Variants in NKAIN3 observed in about 807,000 individuals in gnomAD.
NKAIN3 encodes the protein sodium/potassium-transporting ATPase subunit beta-1-interacting protein 3.
A neutral mutation model predicts 30.2 loss-of-function variants in NKAIN3; 25 were observed. The observed-to-expected ratio is 0.83, with a 90% confidence interval of 0.60 to 1.16. The LOEUF (loss-of-function observed/expected upper bound fraction) is 1.16, where lower values mean the gene tolerates loss of function less well. Ranked by LOEUF, NKAIN3 falls within the 50% of genes most tolerant of loss-of-function variation. The pLI is 0.00. For synonymous variants in NKAIN3, 91 were observed against 89.6 expected, an observed-to-expected ratio of 1.02 and a Z score of -0.09; for missense variants, 225 against 254.1, an observed-to-expected ratio of 0.89 and a Z score of 0.78.
intron 4 of NKAIN3, among the ~76,000 whole-genome samples, chr8:62,765,315 G>T (rs2130625238): frequency 6.7e-6 from 1 of 148,946 alleles, no homozygotes; most frequent in African/African-American, 2.4e-5. Context: ...GGTACTGGAT[G>T]AAAAACAAAT....
chr8:62,396,620 G>A (rs1817775185), intron 1 of NKAIN3, among the ~76,000 whole-genome samples: 1 of 152,076 alleles, frequency 6.6e-6, no homozygotes, highest in South Asian at 2.1e-4. Context: ...AATTTGATGT[G>A]TGTGTTAACT....
At chr8:62,360,106 C>T (rs1816503924) in intron 1 of NKAIN3, among the ~76,000 whole-genome samples, 1 of 152,160 alleles carries the variant, frequency 6.6e-6, no homozygotes, top group African/African-American at 2.4e-5. Context: ...CCCATGCAGC[C>T]ACCCAAAGGG....
At chr8:62,998,060 G>A (rs1277749493) in intron 5 of NKAIN3, among the ~76,000 whole-genome samples, 1 of 151,960 alleles carries the variant, frequency 6.6e-6, no homozygotes, top group African/African-American at 2.4e-5. Flanking sequence ...TCATGTTTAG[G>A]GCCATTCACA....
At chr8:62,339,765 G>C (rs1023289585) in intron 1 of NKAIN3, among the ~76,000 whole-genome samples, 1 of 151,922 alleles carries the variant, frequency 6.6e-6, no homozygotes, top group Non-Finnish European at 1.5e-5. Context: ...TGTACCCCAA[G>C]TTAAAAAGTA....
chr8:62,497,032 G>A (rs1026833222), intron 1 of NKAIN3, among the ~76,000 whole-genome samples: 1 of 151,976 alleles, frequency 6.6e-6, no homozygotes, highest in Non-Finnish European at 1.5e-5. Flanking sequence ...AGGCACTGAA[G>A]TTCAAGTTCT....
intron 4 of NKAIN3, among the ~76,000 whole-genome samples, chr8:62,787,497 C>T (rs1376385139): frequency 6.6e-6 from 1 of 152,038 alleles, no homozygotes; most frequent in African/African-American, 2.4e-5. Context: ...AAGAGGAAAA[C>T]TCAGTTAATA....
intron 3 of NKAIN3, among the ~76,000 whole-genome samples, chr8:62,674,305 T>C (rs1813404618): frequency 6.6e-6 from 1 of 152,184 alleles, no homozygotes. Context: ...CAGGTGAACT[T>C]ATGCAAAAAA....
At chr8:62,290,725 CT>C in intron 1 of NKAIN3, among the ~76,000 whole-genome samples, 1 of 152,184 alleles carries the variant, frequency 6.6e-6, no homozygotes, top group South Asian at 2.1e-4. Flanking sequence ...CTCTGTCAGG[CT>C]TTGGTATCAG....
rs117465491 is a variant in NKAIN3 at position 62,657,999 on chromosome 8, G to A, written c.273+68205G>A. Among the ~76,000 whole-genome samples, 273 of 152,006 alleles carry A rather than the reference G, an allele frequency of 1.8e-3. 1 individual carries two copies. Among genetic ancestry groups the A allele is most frequent in the South Asian group, 4.0e-3 (19 of 4,804 alleles). On this transcript the variant is annotated intron_variant, in intron 3 of 6. Coordinates refer to ENST00000623646, the MANE Select transcript of NKAIN3 (RefSeq NM_001304533.3). ...TGGCTGAAGAGAGTGCAGATCTCTCGCTTTATCTCAGCAGTCCATGTGCCT... is the reference window on the plus strand; with the variant it reads ...TGGCTGAAGAGAGTGCAGATCTCTCACTTTATCTCAGCAGTCCATGTGCCT...
intron 1 of NKAIN3, among the ~76,000 whole-genome samples, chr8:62,417,565 T>C (rs999830806): frequency 6.6e-6 from 1 of 152,200 alleles, no homozygotes; most frequent in African/African-American, 2.4e-5. Flanking sequence ...TCCATAGTAG[T>C]TGAACTAATT....
chr8:62,911,361 G>C (rs758076888), intron 4 of NKAIN3, among the ~76,000 whole-genome samples: 8 of 152,032 alleles, frequency 5.3e-5, no homozygotes, highest in Non-Finnish European at 7.3e-5. Context: ...TTGTTGTGGA[G>C]GAATAATCAT....
At chr8:62,318,429 G>C (rs1814738933) in intron 1 of NKAIN3, among the ~76,000 whole-genome samples, 1 of 152,102 alleles carries the variant, frequency 6.6e-6, no homozygotes, top group Non-Finnish European at 1.5e-5. Flanking sequence ...TATTGGCTGT[G>C]GGTTTGTCAT....
chr8:62,533,710 A>G (rs1428044291), intron 1 of NKAIN3, among the ~76,000 whole-genome samples: 2 of 152,232 alleles, frequency 1.3e-5, no homozygotes, highest in African/African-American at 4.8e-5. Flanking sequence ...TTAGCTGTAT[A>G]CAGAGAAAAA....
chr8:62,529,155 T>C (rs1808409032), intron 1 of NKAIN3, among the ~76,000 whole-genome samples: 1 of 152,134 alleles, frequency 6.6e-6, no homozygotes, highest in African/African-American at 2.4e-5. Context: ...CCTCTTCCCA[T>C]AATTCAACCT....
intron 3 of NKAIN3, among the ~76,000 whole-genome samples, chr8:62,708,901 T>C (rs1195748605): frequency 6.6e-6 from 1 of 152,200 alleles, no homozygotes; most frequent in Non-Finnish European, 1.5e-5. Flanking sequence ...GTCCCTTGTA[T>C]GCAGATTTTG....
In NKAIN3 at chr8:62,665,634, G is replaced by A. The variant is rs1335477578; in HGVS notation, c.273+75840G>A. On this transcript the variant is annotated intron_variant, in intron 3 of 6. Transcript: ENST00000623646. ...AGAATGTATTCAGTTTTAGTTTAAA[G>A]GGGTGTATTTATGAAGTTCATAGAT... 3.9e-5 allele frequency among the ~76,000 whole-genome samples: 6 copies of A among 152,160 alleles called. No homozygotes were observed. In the South Asian group the frequency reaches 1.2e-3, roughly 31 times the overall value.
At chr8:62,501,411 C>T (rs1029911971) in intron 1 of NKAIN3, among the ~76,000 whole-genome samples, 1 of 152,090 alleles carries the variant, frequency 6.6e-6, no homozygotes, top group African/African-American at 2.4e-5. Flanking sequence ...GCTTTTTCTT[C>T]AGGGCTGGTA....
At chr8:62,543,395 A>C (rs1563449385) in intron 1 of NKAIN3, among the ~76,000 whole-genome samples, 2 of 152,302 alleles carry the variant, frequency 1.3e-5, no homozygotes, top group South Asian at 2.1e-4. Flanking sequence ...GAATCATATA[A>C]ACTTCATTCT....
At chr8:62,681,743 C>T (rs1176247158) in intron 3 of NKAIN3, among the ~76,000 whole-genome samples, 1 of 152,122 alleles carries the variant, frequency 6.6e-6, no homozygotes, top group Non-Finnish European at 1.5e-5. Context: ...TTTATATATA[C>T]TCCCAGATAA....
Sources: gnomAD v4.1 joint callset for allele counts (sites outside exome capture counted in the v4.1 genomes callset) on GRCh38, gnomAD v4.1.1 for gene constraint, MANE v1.5 for transcripts, NCBI Gene and HGNC (gene_info 2026-07-23, HGNC 2026-07-21) for gene names.